The following CLVS2 variants were observed in gnomAD, a reference collection of about 807,000 sequenced individuals.
CLVS2 encodes the protein clavesin-2.
A neutral mutation model predicts 29.0 loss-of-function variants in CLVS2; 19 were observed. That is an observed-to-expected ratio of 0.66 (90% CI 0.46 to 0.96). The LOEUF is 0.96. Ranked by LOEUF, CLVS2 falls within the 40% of genes least tolerant of loss-of-function variation. The pLI is 0.00. For synonymous variants in CLVS2, 161 were observed against 151.3 expected, an observed-to-expected ratio of 1.06 and a Z score of -0.47; for missense variants, 294 against 404.1, an observed-to-expected ratio of 0.73 and a Z score of 2.34.
intron 3 of CLVS2, among the ~76,000 whole-genome samples, chr6:123,026,726 C>T (rs1361063100): frequency 1.3e-5 from 2 of 152,036 alleles, no homozygotes; most frequent in Non-Finnish European, 2.9e-5. Context: ...CTGGCATGTA[C>T]GTATCAGTTT....
intron 3 of CLVS2, among the ~76,000 whole-genome samples, chr6:123,038,723 G>A (rs1775188628): frequency 6.6e-6 from 1 of 151,176 alleles, no homozygotes; most frequent in African/African-American, 2.4e-5. Context: ...TGGTCATTAG[G>A]AATTCTTTGA....
intron 2 of CLVS2, among the ~76,000 whole-genome samples, chr6:123,007,851 A>C (rs1250600966): frequency 6.6e-6 from 1 of 152,222 alleles, no homozygotes; most frequent in Non-Finnish European, 1.5e-5. Flanking sequence ...GAAGAATAAC[A>C]ATAGTGGAAC....
chr6:123,010,791 A>T (rs1387163783), intron 2 of CLVS2, among the ~76,000 whole-genome samples, 194 bp from the exon 3 acceptor site: 8 of 152,076 alleles, frequency 5.3e-5, no homozygotes. Flanking sequence ...TGGGCAGAAT[A>T]CATGTTAAAT....
intron 3 of CLVS2, among the ~76,000 whole-genome samples, chr6:123,029,408 A>G (rs970667504): frequency 6.6e-6 from 1 of 152,206 alleles, no homozygotes; most frequent in African/African-American, 2.4e-5. Flanking sequence ...GAAAAGAGAT[A>G]TCCATAGAAA....
chr6:123,013,528 A>C (rs535667793), intron 3 of CLVS2, among the ~76,000 whole-genome samples: 1 of 152,164 alleles, frequency 6.6e-6, no homozygotes, highest in East Asian at 1.9e-4. Flanking sequence ...GCCAGAGAGG[A>C]AACTTACGTG....
chr6:123,049,806 G>GGGA (rs1772576656), intron 4 of CLVS2, among the ~76,000 whole-genome samples: 1 of 139,098 alleles, frequency 7.2e-6, no homozygotes, highest in African/African-American at 3.1e-5. Flanking sequence ...TTGTGGGATG[G>GGGA]GGGGCGGGGA....
At chr6:123,057,032 GCT>G (rs1220813129) in intron 5 of CLVS2, among the ~76,000 whole-genome samples, 2 of 152,112 alleles carry the variant, frequency 1.3e-5, no homozygotes, top group Non-Finnish European at 2.9e-5. Flanking sequence ...TGCATACCTG[GCT>G]CTGAGTTTGC....
rs530462814 is a variant in CLVS2, at chr6:123,069,226, G to A, written c.*5465G>A. On this transcript the variant is annotated 3_prime_UTR_variant, in exon 6 of 6. Coordinates refer to ENST00000275162, the MANE Select transcript of CLVS2 (RefSeq NM_001010852.4). ...GAATGATCAGTAAATAAAATAACTA[G>A]GGTTTTCACATTTGCAATAGAATGA... 6.8e-4 allele frequency: 103 copies of A among 151,614 alleles called. No individual in the cohort carries two copies. Among genetic ancestry groups the A allele is most frequent in the Non-Finnish European group, 1.3e-3 (88 of 67,766 alleles). The allele number at this position is 151,614 out of a possible 1,614,324, so 9.4% of individuals were successfully genotyped here.
intron 3 of CLVS2, among the ~76,000 whole-genome samples, chr6:123,030,251 A>G (rs949434052): frequency 6.6e-6 from 1 of 152,074 alleles, no homozygotes; most frequent in Non-Finnish European, 1.5e-5. Flanking sequence ...TGGATCTTTC[A>G]TCTCATCTCT....
rs1447123455 is a variant in CLVS2, at chr6:123,069,779, G to A, written c.*6018G>A. The A allele has an allele frequency of 1.3e-5, 2 of 151,836 alleles. No homozygotes were observed. The highest frequency in any genetic ancestry group is 2.9e-5 in the Non-Finnish European group (2 of 67,850). 9.4% of individuals were successfully genotyped at this position (151,836 alleles called of 1,614,324 possible). ...TTCTACTCGAAGAGGCCATGGGGAA[G>A]TGATGGTCAAATCTCTGTTGTGAAG... On this transcript the variant is annotated 3_prime_UTR_variant, in exon 6 of 6. Coordinates refer to ENST00000275162, the MANE Select transcript of CLVS2 (RefSeq NM_001010852.4).
At chr6:123,038,940 C>A (rs1775191155) in intron 3 of CLVS2, among the ~76,000 whole-genome samples, 1 of 152,080 alleles carries the variant, frequency 6.6e-6, no homozygotes, top group African/African-American at 2.4e-5. Flanking sequence ...ATGGACATAA[C>A]AAGTATGTTT....
At chr6:123,006,072 C>T (rs1400784786) in intron 2 of CLVS2, among the ~76,000 whole-genome samples, 2 of 152,176 alleles carry the variant, frequency 1.3e-5, no homozygotes, top group Non-Finnish European at 2.9e-5. Context: ...ATAGAACAAA[C>T]ACTGAAGCAC....
Position 123,071,584 on chromosome 6 carries a change from G to T in CLVS2, c.*7823G>T, listed in dbSNP as rs1418511454. The stretch of plus-strand genomic sequence containing the variant: ...AATTTCAATTTTTAAAAATATGCAG[G>T]AAGTTAAAAGACTATAATTCCAGTA... On this transcript the variant is annotated 3_prime_UTR_variant, in exon 6 of 6. Transcript: ENST00000275162. The T allele has an allele frequency of 6.6e-6, 1 of 151,942 alleles. No individual in the cohort carries two copies. The highest frequency in any genetic ancestry group is 2.4e-5 in the African/African-American group (1 of 41,414). 9.4% of individuals were successfully genotyped at this position (151,942 alleles called of 1,614,324 possible). A position where few individuals can be genotyped will look rare whatever the true frequency, so the allele number is the denominator to read the frequency against.
chr6:123,036,302 G>C (rs915066368), intron 3 of CLVS2, among the ~76,000 whole-genome samples: 1 of 152,052 alleles, frequency 6.6e-6, no homozygotes, highest in Non-Finnish European at 1.5e-5. Flanking sequence ...AGTCACAGGG[G>C]GTAAAGCAAA....
At chr6:123,025,328 T>G (rs774146342) in intron 3 of CLVS2, among the ~76,000 whole-genome samples, 5 of 152,150 alleles carry the variant, frequency 3.3e-5, no homozygotes, top group Admixed American at 6.6e-5. Context: ...TCACAGTTGG[T>G]GGACTGAATC....
At chr6:123,028,793 C>A (rs1775039711) in intron 3 of CLVS2, among the ~76,000 whole-genome samples, 1 of 151,960 alleles carries the variant, frequency 6.6e-6, no homozygotes, top group South Asian at 2.1e-4. Flanking sequence ...TTCTCTATCC[C>A]TTTCTCTTCA....
Position 122,997,795 on chromosome 6 carries a change from C to G in CLVS2, c.18C>G (p.Ala6=), listed in dbSNP as rs765143513. 1.9e-6 allele frequency: 3 copies of G among 1,613,852 alleles called. No homozygotes were observed. Among genetic ancestry groups the G allele is most frequent in the Admixed American group, 3.3e-5 (2 of 60,012 alleles). ...GCAGAACAATGACTCATTTGCAAGC[C>G]GGTCTCTCCCCTGAGACCCTGGAGA... is the stretch of plus-strand genomic sequence containing the variant. The part of the protein sequence containing the change: MTHLQ[A]GLSPETLEKA... The change falls in exon 2 of 6, where the codon GCC becomes GCG. Residue 6 remains alanine, a synonymous_variant. Coordinates refer to ENST00000275162, the MANE Select transcript of CLVS2 (RefSeq NM_001010852.4).
At position 123,013,633 on chromosome 6, in the gene CLVS2, TA is replaced by T. The variant is rs542938484; in HGVS notation, c.564+2475del. ...TATCAATCCACATCATAAACCTACT[TA>T]TTTTTTTGCATTTTATTTTATTTTT... On this transcript the variant is annotated intron_variant, in intron 3 of 5. Transcript: ENST00000275162. Among the ~76,000 whole-genome samples the T allele has an allele frequency of 1.8e-3, 278 of 151,896 alleles. 1 individual carries two copies. Among genetic ancestry groups the T allele is most frequent in the Admixed American group, 4.6e-3 (70 of 15,226 alleles).
chr6:123,071,523 A>C lies in CLVS2; in HGVS notation c.*7762A>C, dbSNP rs1475963867. ...GGGGAAAAGTCATTTTGAGATTAAA[A>C]CTACATGGAATTGTTCTTTATGGAT... On this transcript the variant is annotated 3_prime_UTR_variant, in exon 6 of 6. Transcript: ENST00000275162. 1.3e-5 allele frequency: 2 copies of C among 152,066 alleles called. No individual in the cohort carries two copies. Among genetic ancestry groups the C allele is most frequent in the African/African-American group, 4.8e-5 (2 of 41,446 alleles). The allele number at this position is 152,066 out of a possible 1,614,324, so 9.4% of individuals were successfully genotyped here.
Sources: allele counts gnomAD v4.1 joint callset (sites outside exome capture counted in the v4.1 genomes callset), GRCh38; gene constraint gnomAD v4.1.1; transcripts MANE v1.5; gene names NCBI Gene and HGNC (gene_info 2026-07-23, HGNC 2026-07-21).